HMGCLL1: variants seen among roughly 807,000 people sequenced by gnomAD.
HMGCLL1 encodes 3-hydroxymethyl-3-methylglutaryl-CoA lyase, cytoplasmic.
HMGCLL1 carries 36 observed loss-of-function variants against 39.1 expected under a neutral mutation model. The observed-to-expected ratio is 0.92, with a 90% CI of 0.71 to 1.22. The LOEUF (loss-of-function observed/expected upper bound fraction) is 1.22. Among genes scored for constraint, HMGCLL1 ranks in the 50% most tolerant of loss-of-function variants. The pLI is 0.00. For synonymous variants in HMGCLL1, 149 were observed against 144.0 expected, an observed-to-expected ratio of 1.03 and a Z score of -0.25; for missense variants, 451 against 416.5, an observed-to-expected ratio of 1.08 and a Z score of -0.72.
chr6:55,554,359 T>A (rs1331179455), intron 1 of HMGCLL1, among the ~76,000 whole-genome samples: 1 of 152,042 alleles, frequency 6.6e-6, no homozygotes, highest in Non-Finnish European at 1.5e-5. Flanking sequence ...TAAAATTTTT[T>A]AAATTGTGGA....
intron 3 of HMGCLL1, among the ~76,000 whole-genome samples, chr6:55,524,386 T>G (rs1404334510): frequency 6.6e-6 from 1 of 151,318 alleles, no homozygotes; most frequent in Admixed American, 6.6e-5. Context: ...AATTTTAAAA[T>G]TTCATAAGTT....
the HMGCLL1 span, among the ~76,000 whole-genome samples, chr6:55,640,995 A>C: frequency 4.6e-5 from 7 of 151,876 alleles, no homozygotes; most frequent in East Asian, 1.4e-3. Flanking sequence ...TGGGTGAAAG[A>C]ATCAAAAAAT....
chr6:55,633,698 G>A, the HMGCLL1 span, among the ~76,000 whole-genome samples: 3 of 152,004 alleles, frequency 2.0e-5, no homozygotes, highest in Admixed American at 6.6e-5. Flanking sequence ...ACGTTGATGA[G>A]CAGAACAGGC....
intron 7 of HMGCLL1, among the ~76,000 whole-genome samples, chr6:55,467,727 T>C (rs1355024335): frequency 6.6e-6 from 1 of 152,074 alleles, no homozygotes; most frequent in Non-Finnish European, 1.5e-5. Context: ...TTGACAGTAT[T>C]GAATCATTCC....
Position 55,490,988 on chromosome 6 carries a change from C to T in HMGCLL1, c.795+4431G>A, listed in dbSNP as rs759360332. On this transcript the variant is annotated intron_variant, in intron 7 of 8. Transcript: ENST00000274901. The stretch of plus-strand genomic sequence containing the variant: ...TCTTTGTTCATTCAGACTTCTGTGG[C>T]TCAGGAGCCTTGGTTATACACACTT... Among the ~76,000 whole-genome samples, 56 of 151,970 alleles carry T rather than the reference C, an allele frequency of 3.7e-4. 1 individual carries two copies. The highest frequency in any genetic ancestry group is 1.2e-4 in the Non-Finnish European group (8 of 67,952).
chr6:55,482,216 T>TTGAATTTTATGAACCATAAAA (rs1268019974), intron 7 of HMGCLL1, among the ~76,000 whole-genome samples: 1 of 152,162 alleles, frequency 6.6e-6, no homozygotes, highest in Non-Finnish European at 1.5e-5. Context: ...TATTTTGAAT[T>TTGAATTTTATGAACCATAAAA]AACATGGTTT....
chr6:55,631,373 T>G, the HMGCLL1 span, among the ~76,000 whole-genome samples: 28 of 152,112 alleles, frequency 1.8e-4, no homozygotes, highest in African/African-American at 6.5e-4. Context: ...ACTTGAATAT[T>G]CTGTTCAGCC....
At chr6:55,659,190 T>C in the HMGCLL1 span, among the ~76,000 whole-genome samples, 1 of 151,904 alleles carries the variant, frequency 6.6e-6, no homozygotes, top group Non-Finnish European at 1.5e-5. Context: ...TTCCAGCTTA[T>C]GCAATTGAGT....
intron 5 of HMGCLL1, among the ~76,000 whole-genome samples, chr6:55,499,509 T>C (rs1766764185): frequency 6.6e-6 from 1 of 152,104 alleles, no homozygotes; most frequent in Admixed American, 6.6e-5. Context: ...TACAATTTGA[T>C]ATGTGTTTTT....
chr6:55,539,070 A>G (rs1023522337), intron 3 of HMGCLL1, among the ~76,000 whole-genome samples: 5 of 152,184 alleles, frequency 3.3e-5, no homozygotes, highest in African/African-American at 1.2e-4. Context: ...ACAGATACAC[A>G]TAAGCAAGTA....
the HMGCLL1 span, among the ~76,000 whole-genome samples, chr6:55,622,748 T>G: frequency 0.11 from 16,276 of 152,108 alleles, 1,235 homozygotes; most frequent in Non-Finnish European, 0.17. Flanking sequence ...GGTCTGGCCT[T>G]AATATCAGGG....
intron 1 of HMGCLL1, among the ~76,000 whole-genome samples, chr6:55,561,414 A>C (rs1049176901): frequency 1.1e-4 from 17 of 152,152 alleles, no homozygotes; most frequent in African/African-American, 4.1e-4. Flanking sequence ...CCCTTCAGCC[A>C]TGGACTTTTA....
At chr6:55,587,410 GA>G in the HMGCLL1 span, among the ~76,000 whole-genome samples, 11 of 151,980 alleles carry the variant, frequency 7.2e-5, no homozygotes, top group Non-Finnish European at 1.5e-4. Context: ...AACAGCTCCT[GA>G]AGGAAGCACT....
chr6:55,461,460 G>A (rs779125311), intron 7 of HMGCLL1, among the ~76,000 whole-genome samples: 1 of 151,946 alleles, frequency 6.6e-6, no homozygotes, highest in Non-Finnish European at 1.5e-5. Context: ...GATGGGGGAG[G>A]CTGCTATCAA....
intron 7 of HMGCLL1, among the ~76,000 whole-genome samples, chr6:55,489,058 C>G (rs1256945769): frequency 1.3e-5 from 2 of 151,990 alleles, no homozygotes; most frequent in Non-Finnish European, 2.9e-5. Context: ...CAGTACAACA[C>G]TGGCCAATTC....
the HMGCLL1 span, among the ~76,000 whole-genome samples, chr6:55,629,079 G>C: frequency 1.2e-4 from 19 of 152,188 alleles, no homozygotes; most frequent in Non-Finnish European, 2.4e-4. Context: ...GTAACAGGCA[G>C]GGGTTGGAAC....
the HMGCLL1 span, among the ~76,000 whole-genome samples, chr6:55,634,739 T>C: frequency 1.3e-5 from 2 of 152,144 alleles, no homozygotes; most frequent in Non-Finnish European, 2.9e-5. Flanking sequence ...GGTCCGTTAT[T>C]CAAATCTTGG....
chr6:55,525,554 C>T lies in HMGCLL1; in HGVS notation c.298-8951G>A, dbSNP rs145994148. On this transcript the variant is annotated intron_variant, in intron 3 of 8. Transcript: ENST00000274901. ...TACTGAGACTCAAAGCTGGAACTCT[C>T]TTAGAAAACCCACTTCCACCAAGTG... Among the ~76,000 whole-genome samples the T allele has an allele frequency of 2.1e-3, 316 of 151,988 alleles. 2 individuals carry two copies. The highest frequency in any genetic ancestry group is 7.4e-3 in the African/African-American group (308 of 41,514).
chr6:55,455,888 T>C (rs1253057284), intron 7 of HMGCLL1, among the ~76,000 whole-genome samples: 8 of 152,230 alleles, frequency 5.3e-5, no homozygotes, highest in Non-Finnish European at 1.0e-4. Flanking sequence ...TATGAATACG[T>C]ACTGAAGTTG....
Sources: allele counts gnomAD v4.1 joint callset (sites outside exome capture counted in the v4.1 genomes callset), GRCh38; gene constraint gnomAD v4.1.1; transcripts MANE v1.5; gene names NCBI Gene and HGNC (gene_info 2026-07-23, HGNC 2026-07-21).